Variants in DGKB observed in about 807,000 individuals in gnomAD.
DGKB encodes the protein 90 kDa diacylglycerol kinase.
A neutral mutation model predicts 114.3 loss-of-function variants in DGKB; 67 were observed. That is an observed-to-expected ratio of 0.59 (90% CI 0.48 to 0.72). The LOEUF (loss-of-function observed/expected upper bound fraction) is 0.72, where lower values mean the gene tolerates loss of function less well. DGKB is among the 30% of genes least tolerant of loss of function. DGKB has a pLI of 0.00. For synonymous variants in DGKB, 398 were observed against 323.1 expected (o/e 1.23, Z -2.49); for missense variants, 907 against 975.2 (o/e 0.93, Z 0.93).
intron 22 of DGKB, among the ~76,000 whole-genome samples, chr7:14,344,867 TG>T (rs1451788253): frequency 6.6e-6 from 1 of 151,742 alleles, no homozygotes; most frequent in African/African-American, 2.4e-5. Flanking sequence ...GGGAATGGAA[TG>T]GAAAAGTATA....
chr7:14,543,479 C>T (rs146367625), intron 20 of DGKB, among the ~76,000 whole-genome samples: 210 of 151,904 alleles, frequency 1.4e-3, no homozygotes, highest in African/African-American at 4.8e-3. Context: ...GAAAGAAAGA[C>T]CTAAATACAA....
At chr7:14,178,651 C>T (rs1184709863) in intron 23 of DGKB, among the ~76,000 whole-genome samples, 1 of 152,062 alleles carries the variant, frequency 6.6e-6, no homozygotes, top group Non-Finnish European at 1.5e-5. Context: ...AGATGGGAGT[C>T]CCTAAATCTT....
At chr7:14,328,038 T>G (rs1324053138) in intron 23 of DGKB, among the ~76,000 whole-genome samples, 3 of 152,124 alleles carry the variant, frequency 2.0e-5, no homozygotes, top group Non-Finnish European at 4.4e-5. Flanking sequence ...AGACGTTTTA[T>G]CACAAATTCC....
At chr7:14,209,340 TACG>T in intron 23 of DGKB, 1 of 399,696 alleles carries the variant, frequency 2.5e-6, no homozygotes, top group Non-Finnish European at 5.0e-6. Context: ...GAGAGATATA[TACG>T]ACAAGATTGG....
At chr7:14,242,786 ATAATGT>A (rs1340284210) in intron 23 of DGKB, among the ~76,000 whole-genome samples, 1 of 152,114 alleles carries the variant, frequency 6.6e-6, no homozygotes, top group Non-Finnish European at 1.5e-5. Context: ...ATAACTGAAG[ATAATGT>A]TAGTGCCACT....
At chr7:14,720,688 A>G (rs533078252) in intron 5 of DGKB, among the ~76,000 whole-genome samples, 1 of 152,076 alleles carries the variant, frequency 6.6e-6, no homozygotes. Flanking sequence ...ATGTGGCTTT[A>G]TGTTTTACAT....
intron 21 of DGKB, among the ~76,000 whole-genome samples, chr7:14,466,243 G>A (rs568760219): frequency 3.0e-4 from 46 of 152,258 alleles, no homozygotes; most frequent in Admixed American, 9.8e-4. Context: ...TTGATCAACA[G>A]AGCTTTGGAC....
intron 25 of DGKB, among the ~76,000 whole-genome samples, chr7:14,157,651 A>G (rs763678965): frequency 1.4e-4 from 22 of 152,216 alleles, no homozygotes; most frequent in Non-Finnish European, 2.9e-4. Context: ...ATCTCTTTTA[A>G]CATATAAATT....
At chr7:14,467,061 T>C (rs1329201727) in intron 21 of DGKB, among the ~76,000 whole-genome samples, 4 of 152,020 alleles carry the variant, frequency 2.6e-5, no homozygotes, top group African/African-American at 7.2e-5. Flanking sequence ...AATCAAAGCA[T>C]AAAAGGACAG....
chr7:14,276,866 T>C (rs11973340), intron 23 of DGKB, among the ~76,000 whole-genome samples: 7,695 of 152,004 alleles, frequency 0.051, 627 homozygotes, highest in African/African-American at 0.17. Flanking sequence ...CATCTTTTAA[T>C]ATTCTTTTTA....
chr7:14,664,683 A>G (rs1392099775), intron 13 of DGKB, among the ~76,000 whole-genome samples: 1 of 152,062 alleles, frequency 6.6e-6, no homozygotes, highest in Non-Finnish European at 1.5e-5. Flanking sequence ...CATTTCTTTA[A>G]GAAAAAGTTT....
intron 23 of DGKB, among the ~76,000 whole-genome samples, chr7:14,225,012 G>A (rs562512727): frequency 2.0e-5 from 3 of 151,948 alleles, no homozygotes; most frequent in Non-Finnish European, 2.9e-5. Context: ...GCCTCTATTC[G>A]TGGTTCACTC....
At chr7:14,541,071 C>G (rs1262057841) in intron 20 of DGKB, among the ~76,000 whole-genome samples, 1 of 151,994 alleles carries the variant, frequency 6.6e-6, no homozygotes, top group Non-Finnish European at 1.5e-5. Context: ...GTAGTTGACA[C>G]CTTGAGAAAC....
chr7:14,250,387 C>T (rs1043017750), intron 23 of DGKB, among the ~76,000 whole-genome samples: 3 of 152,018 alleles, frequency 2.0e-5, no homozygotes. Flanking sequence ...CTTTAATTTA[C>T]ATTTTAATTT....
chr7:14,908,678 C>T (rs1472312384), intron 1 of DGKB, among the ~76,000 whole-genome samples: 2 of 151,928 alleles, frequency 1.3e-5, no homozygotes, highest in African/African-American at 4.8e-5. Flanking sequence ...TGTGACTTAA[C>T]CTTAGAGCTA....
chr7:14,283,823 G>A (rs980037428), intron 23 of DGKB, among the ~76,000 whole-genome samples: 5 of 152,042 alleles, frequency 3.3e-5, no homozygotes, highest in African/African-American at 1.2e-4. Context: ...GCAGAAAGCT[G>A]AAACTGGATC....
At chr7:14,800,077 T>C (rs1841949844) in intron 2 of DGKB, among the ~76,000 whole-genome samples, 4 of 152,128 alleles carry the variant, frequency 2.6e-5, no homozygotes, top group Admixed American at 2.0e-4. Context: ...CCACCGCGCC[T>C]GGCTAACTTT....
At chr7:14,482,800 C>T (rs180788173) in intron 20 of DGKB, among the ~76,000 whole-genome samples, 1 of 152,200 alleles carries the variant, frequency 6.6e-6, no homozygotes, top group Admixed American at 6.6e-5. Flanking sequence ...GTATATAAGG[C>T]ACTATTTTCA....
chr7:14,798,124 T>C (rs979362187), intron 2 of DGKB, among the ~76,000 whole-genome samples: 9 of 152,232 alleles, frequency 5.9e-5, no homozygotes, highest in Non-Finnish European at 1.0e-4. Flanking sequence ...TTAAAAGCCA[T>C]AATTCAGAAG....
Sources: allele counts gnomAD v4.1 joint callset (sites outside exome capture counted in the v4.1 genomes callset), GRCh38; gene constraint gnomAD v4.1.1; transcripts MANE v1.5; gene names NCBI Gene and HGNC (gene_info 2026-07-23, HGNC 2026-07-21).